Variants in NEGR1 observed in about 807,000 individuals in gnomAD.
NEGR1 encodes neuronal growth regulator 1, also known as IgLON family member 4.
A neutral mutation model predicts 40.9 loss-of-function variants in NEGR1; 10 were observed. The ratio of observed to expected loss-of-function variants is 0.24; its 90% CI spans 0.15 to 0.42. NEGR1 has a LOEUF of 0.42. NEGR1 is among the 10% of genes least tolerant of loss of function. The probability of loss-of-function intolerance (pLI) is 1.00; values close to 1 mark genes in which losing one functional copy is unlikely to be tolerated. For missense variants in NEGR1, 352 were observed against 438.9 expected, an observed-to-expected ratio of 0.80 and a Z score of 1.77; for synonymous variants, 185 against 166.8, an observed-to-expected ratio of 1.11 and a Z score of -0.84.
In NEGR1 at chr1:72,152,326, CAT is replaced by C. The variant is rs773655573; in HGVS notation, c.176+129991_176+129992del. On this transcript the variant is annotated intron_variant, in intron 1 of 6. Transcript: ENST00000357731. ...GTAATTAAATAACAAAAATACTACACATAGAATGCTAATGAACTTAGTGAAAG... is the reference window on the plus strand; with the variant it reads ...GTAATTAAATAACAAAAATACTACACAGAATGCTAATGAACTTAGTGAAAG... 1.8e-4 allele frequency among the ~76,000 whole-genome samples: 28 copies of C among 151,944 alleles called. No individual in the cohort carries two copies. In the East Asian group the frequency reaches 5.4e-3, roughly 29 times the overall value.
At chr1:72,016,730 C>T (rs1646713314) in intron 1 of NEGR1, among the ~76,000 whole-genome samples, 2 of 152,274 alleles carry the variant, frequency 1.3e-5, no homozygotes, top group Admixed American at 1.3e-4. Flanking sequence ...AAAACCCCTG[C>T]ACTGCTCTTA....
intron 1 of NEGR1, among the ~76,000 whole-genome samples, chr1:72,222,155 T>G (rs1351638113): frequency 1.3e-5 from 2 of 152,014 alleles, no homozygotes; most frequent in African/African-American, 4.8e-5. Flanking sequence ...CTTAGCACCA[T>G]GTCAGCCCCT....
At chr1:72,187,282 AT>A (rs1351120338) in intron 1 of NEGR1, among the ~76,000 whole-genome samples, 3 of 151,378 alleles carry the variant, frequency 2.0e-5, no homozygotes, top group African/African-American at 4.8e-5. Context: ...TAAACTTCAT[AT>A]TTTTTTCGCC....
chr1:72,248,577 TA>T (rs1217724363), intron 1 of NEGR1, among the ~76,000 whole-genome samples: 3 of 122,948 alleles, frequency 2.4e-5, no homozygotes, highest in African/African-American at 1.0e-4. Flanking sequence ...TATTTTTATT[TA>T]TTATTATTAT....
intron 4 of NEGR1, among the ~76,000 whole-genome samples, chr1:71,690,123 A>G (rs1270698779): frequency 6.6e-6 from 1 of 151,968 alleles, no homozygotes; most frequent in Non-Finnish European, 1.5e-5. Flanking sequence ...CTCTCCCTTC[A>G]CACACATATA....
At chr1:72,046,114 G>A (rs1646999738) in intron 1 of NEGR1, among the ~76,000 whole-genome samples, 1 of 151,638 alleles carries the variant, frequency 6.6e-6, no homozygotes, top group Non-Finnish European at 1.5e-5. Flanking sequence ...ATTTCTGTTT[G>A]TAAAACAAGT....
intron 6 of NEGR1, among the ~76,000 whole-genome samples, chr1:71,425,318 T>C (rs1646422040): frequency 1.3e-5 from 2 of 152,208 alleles, no homozygotes; most frequent in Non-Finnish European, 2.9e-5. Flanking sequence ...TTGTCTATCT[T>C]TAATTTGAGT....
At chr1:72,213,611 A>C (rs1653690005) in intron 1 of NEGR1, among the ~76,000 whole-genome samples, 1 of 151,992 alleles carries the variant, frequency 6.6e-6, no homozygotes, top group Non-Finnish European at 1.5e-5. Flanking sequence ...AAAATGTTTC[A>C]AACAAAATGT....
chr1:71,691,622 G>A (rs1653282967), intron 4 of NEGR1, among the ~76,000 whole-genome samples: 2 of 151,698 alleles, frequency 1.3e-5, no homozygotes, highest in African/African-American at 4.8e-5. Context: ...GATAACCTCT[G>A]AGCAGTTCTA....
At chr1:72,036,559 G>A (rs965241584) in intron 1 of NEGR1, among the ~76,000 whole-genome samples, 6 of 151,474 alleles carry the variant, frequency 4.0e-5, no homozygotes, top group Non-Finnish European at 8.8e-5. Context: ...GGGAGACTGA[G>A]GCAGAAGAAT....
intron 4 of NEGR1, among the ~76,000 whole-genome samples, chr1:71,636,967 A>T (rs551528231): frequency 2.6e-5 from 4 of 152,210 alleles, no homozygotes; most frequent in African/African-American, 9.6e-5. Context: ...ACAAGTATTT[A>T]TGTACGGAAT....
chr1:71,533,359 A>G (rs1647414511), intron 6 of NEGR1, among the ~76,000 whole-genome samples: 1 of 151,712 alleles, frequency 6.6e-6, no homozygotes, highest in African/African-American at 2.4e-5. Context: ...AATCATTGAT[A>G]AAGCTCAAAT....
intron 6 of NEGR1, among the ~76,000 whole-genome samples, chr1:71,521,490 C>CA (rs1286934026): frequency 6.6e-6 from 1 of 151,984 alleles, no homozygotes; most frequent in African/African-American, 2.4e-5. Context: ...GACTAGACTT[C>CA]AAACCTTTTG....
chr1:71,745,519 C>A (rs1185565605), intron 3 of NEGR1, among the ~76,000 whole-genome samples: 1 of 147,818 alleles, frequency 6.8e-6, no homozygotes, highest in Non-Finnish European at 1.5e-5. Flanking sequence ...TGAGACACAT[C>A]TGTAACCAAT....
intron 1 of NEGR1, among the ~76,000 whole-genome samples, chr1:71,937,675 T>C (rs916435171): frequency 1.3e-5 from 2 of 152,224 alleles, no homozygotes; most frequent in Non-Finnish European, 2.9e-5. Flanking sequence ...CAAAGACTTT[T>C]AAAATAGGTT....
chr1:72,105,524 C>T (rs534806047), intron 1 of NEGR1, among the ~76,000 whole-genome samples: 6 of 150,760 alleles, frequency 4.0e-5, no homozygotes, highest in South Asian at 2.1e-4. Flanking sequence ...GGAAACAAAG[C>T]GATACCTCAT....
chr1:71,805,864 G>C (rs191294568), intron 2 of NEGR1, among the ~76,000 whole-genome samples: 1 of 152,054 alleles, frequency 6.6e-6, no homozygotes, highest in Non-Finnish European at 1.5e-5. Context: ...AATGACTATG[G>C]CAAATTTGCT....
chr1:71,961,444 G>GT (rs1646164832), intron 1 of NEGR1, among the ~76,000 whole-genome samples: 1 of 152,172 alleles, frequency 6.6e-6, no homozygotes, highest in African/African-American at 2.4e-5. Flanking sequence ...CAGGTGAGAA[G>GT]TAATTTTGGA....
intron 2 of NEGR1, among the ~76,000 whole-genome samples, chr1:71,921,377 C>T (rs1645715571): frequency 2.6e-5 from 4 of 151,984 alleles, no homozygotes; most frequent in Admixed American, 1.3e-4. Context: ...GACCTTTGAA[C>T]AATGCAGGTT....
Sources: gnomAD v4.1 joint callset for allele counts (sites outside exome capture counted in the v4.1 genomes callset) on GRCh38, gnomAD v4.1.1 for gene constraint, MANE v1.5 for transcripts, NCBI Gene and HGNC (gene_info 2026-07-23, HGNC 2026-07-21) for gene names.